Variants in FASTKD2 observed in about 807,000 individuals in gnomAD.
The protein encoded by FASTKD2 is FAST kinase domains 2, also known as FAST kinase domain-containing protein 2, mitochondrial.
Under a neutral mutation model 63.6 loss-of-function variants are expected in FASTKD2, and 51 were observed. The ratio of observed to expected loss-of-function variants is 0.80; its 90% confidence interval spans 0.64 to 1.01. The LOEUF (loss-of-function observed/expected upper bound fraction) is 1.01. Ranked by LOEUF, FASTKD2 falls within the 50% of genes least tolerant of loss-of-function variation. The pLI is 0.00. For missense variants in FASTKD2, 786 were observed against 831.1 expected, an observed-to-expected ratio of 0.95 and a Z score of 0.67; for synonymous variants, 284 against 293.4, an observed-to-expected ratio of 0.97 and a Z score of 0.33.
intron 4 of FASTKD2, 42 bp downstream of exon 4, chr2:206,771,332 A>G (rs779446873): frequency 2.7e-5 from 33 of 1,207,318 alleles, no homozygotes; most frequent in Non-Finnish European, 3.9e-5. Flanking sequence ...ATTTGAAAAA[A>G]TCTTTCTTAT....
chr2:206,779,345 G>T (rs1230662159), intron 7 of FASTKD2, among the ~76,000 whole-genome samples: 1 of 151,886 alleles, frequency 6.6e-6, no homozygotes, highest in African/African-American at 2.4e-5. Flanking sequence ...CAGCCATTTT[G>T]TGTCTTTTAA....
chr2:206,779,402 C>CTGTG, intron 7 of FASTKD2, among the ~76,000 whole-genome samples: 1 of 152,132 alleles, frequency 6.6e-6, no homozygotes, highest in Middle Eastern at 3.4e-3. Context: ...CTACCTAAGA[C>CTGTG]TGTGTAATTT....
chr2:206,767,449 G>A lies in FASTKD2; in HGVS notation c.756G>A (p.Gln252=), dbSNP rs377619612. 243 of 1,611,436 alleles carry A rather than the reference G, an allele frequency of 1.5e-4. No homozygotes were observed. The African/African-American group carries it at 2.8e-3, about 19-fold the overall frequency. ...TCCCTCAGAACACTATTTTGGTGCAGACTTTGCTGAGGGTGACCCAGGTAA... is the reference window on the plus strand; with the variant it reads ...TCCCTCAGAACACTATTTTGGTGCAAACTTTGCTGAGGGTGACCCAGGTAA... The part of the protein sequence containing the change: ...LGIPQNTILV[Q]TLLRVTQERI... Residue 252 remains glutamine (Q), a synonymous_variant, in exon 2 of 12, where the codon CAG becomes CAA. Transcript: ENST00000402774.
intron 7 of FASTKD2, among the ~76,000 whole-genome samples, chr2:206,786,148 T>A (rs1450302281): frequency 6.6e-6 from 1 of 152,234 alleles, no homozygotes; most frequent in South Asian, 2.1e-4. Flanking sequence ...TTATTAGTGG[T>A]GTCACTCTGG....
Position 206,770,093 on chromosome 2 carries a change from A to G in FASTKD2, c.780A>G (p.Glu260=), listed in dbSNP as rs1689628245. The change falls in exon 3 of 12, where the codon GAA becomes GAG. Residue 260 remains glutamate, a splice_region_variant and synonymous_variant. Coordinates refer to ENST00000402774, the MANE Select transcript of FASTKD2 (RefSeq NM_001136193.2). ...TTTTTGTAATTATATTTCAATAGGAACGTATCAATGAGTGTGATGAGATAT... is the reference window on the plus strand; with the variant it reads ...TTTTTGTAATTATATTTCAATAGGAGCGTATCAATGAGTGTGATGAGATAT... The part of the protein sequence containing the change: ...LVQTLLRVTQ[E]RINECDEICL... 2 of 1,586,744 alleles carry G rather than the reference A, an allele frequency of 1.3e-6. No individual in the cohort carries two copies. Among genetic ancestry groups the G allele is most frequent in the Non-Finnish European group, 1.7e-6 (2 of 1,155,128 alleles).
intron 5 of FASTKD2, 50 bp downstream of exon 5, chr2:206,772,067 A>G (rs765367692): frequency 6.2e-7 from 1 of 1,608,290 alleles, no homozygotes; most frequent in Non-Finnish European, 8.5e-7. Context: ...CTTCTGTTTT[A>G]GACTATTTTT....
At position 206,774,366 on chromosome 2, in the gene FASTKD2, C is replaced by G. The variant is rs749052218; in HGVS notation, c.1396C>G (p.Leu466Val). 2 of 1,603,588 alleles carry G rather than the reference C, an allele frequency of 1.2e-6. No individual in the cohort carries two copies. The highest frequency in any genetic ancestry group is 2.2e-5 in the South Asian group (2 of 90,342). Residue 466 changes from leucine to valine, a missense_variant, in exon 7 of 12, where the codon CTC becomes GTC. Leu to Val is a conservative substitution (Grantham distance 32, BLOSUM62 1). Coordinates refer to ENST00000402774, the MANE Select transcript of FASTKD2 (RefSeq NM_001136193.2). ...ATCTATTCTTCATACTTACTCTTCT[C>G]TCAATCATGTCTACAAATGCCAGAA... Reference protein sequence around the residue: ...ILSILHTYSSLNHVYKCQNKE... With the variant: ...ILSILHTYSSVNHVYKCQNKE...
intron 4 of FASTKD2, 52 bp downstream of exon 4, chr2:206,771,342 T>C (rs748512485): frequency 1.5e-5 from 16 of 1,083,750 alleles, no homozygotes; most frequent in Non-Finnish European, 1.9e-5. Context: ...ATCTTTCTTA[T>C]AACCTGCTAT....
rs754263941 is a variant in FASTKD2, at chr2:206,767,399, C to T, written c.706C>T (p.Leu236Phe). Residue 236 changes from leucine (L) to phenylalanine (F), a missense_variant, in exon 2 of 12, where the codon CTT (leucine) becomes TTT (phenylalanine). Transcript: ENST00000402774. ...GCAGTATAAGTACCTACTGTTCAGT[C>T]TTCACGCCATAGTGAAGCTTGGAAT... ...IMQYKYLLFS[L>F]HAIVKLGIPQ... 36 of 1,613,660 alleles carry T rather than the reference C, an allele frequency of 2.2e-5. No homozygotes were observed. Among genetic ancestry groups the T allele is most frequent in the Admixed American group, 3.3e-5 (2 of 60,000 alleles).
chr2:206,786,839 C>G lies in FASTKD2; in HGVS notation c.1534C>G (p.Pro512Ala), dbSNP rs771715271. 1 of 1,613,632 alleles carries G rather than the reference C, an allele frequency of 6.2e-7. No individual in the cohort carries two copies. The highest frequency in any genetic ancestry group is 1.7e-5 in the Admixed American group (1 of 60,018). The change falls in exon 8 of 12, where the codon CCC becomes GCC. Residue 512 changes from proline (P) to alanine (A), a missense_variant. Coordinates refer to ENST00000402774, the MANE Select transcript of FASTKD2 (RefSeq NM_001136193.2). ...TTCATTTTGCTTGATGAATTACTTT[C>G]CCCTGGCTCCTTTTAATCAGCTTCT... ...VYSFCLMNYF[P>A]LAPFNQLLQK...
chr2:206,786,330 G>A (rs370823197), intron 7 of FASTKD2, among the ~76,000 whole-genome samples: 16 of 152,256 alleles, frequency 1.1e-4, no homozygotes, highest in African/African-American at 2.9e-4. Flanking sequence ...TGGTCCAGGC[G>A]TTATAGAAAA....
In FASTKD2 at chr2:206,766,937, TTCA is replaced by T; in HGVS notation, c.246_248del (p.Ile83del). On this transcript the variant is annotated inframe_deletion, in exon 2 of 12. Transcript: ENST00000402774. Reference sequence around the variant, plus strand: ...CATTAGATATCTCTTTCAGGATGCATTCATTTTTAAATCAGATGTTGGCTTTCA... The same window carrying T: ...CATTAGATATCTCTTTCAGGATGCATTTTTTAAATCAGATGTTGGCTTTCA... The T allele has an allele frequency of 6.2e-7, 1 of 1,604,016 alleles. No homozygotes were observed. The highest frequency in any genetic ancestry group is 8.5e-7 in the Non-Finnish European group (1 of 1,173,618).
rs1332754113 is a variant in FASTKD2 at position 206,795,126 on chromosome 2, G to A, written c.*3324G>A. ...CATACTCTTCATTCACAGGGCCTGA[G>A]AGGTGGACCATCAGACTCCACCCTG... On this transcript the variant is annotated 3_prime_UTR_variant, in exon 12 of 12. Coordinates refer to ENST00000402774, the MANE Select transcript of FASTKD2 (RefSeq NM_001136193.2). 1.3e-5 allele frequency among the ~76,000 whole-genome samples: 2 copies of A among 152,236 alleles called. No individual in the cohort carries two copies. The highest frequency in any genetic ancestry group is 2.9e-5 in the Non-Finnish European group (2 of 68,036).
chr2:206,768,337 G>A (rs1689580654), intron 2 of FASTKD2, among the ~76,000 whole-genome samples: 2 of 152,170 alleles, frequency 1.3e-5, no homozygotes, highest in South Asian at 4.1e-4. Context: ...TGTAAGGAAG[G>A]AAGGATTAGC....
At chr2:206,787,389 G>C (rs749572553) in intron 8 of FASTKD2, among the ~76,000 whole-genome samples, 8 of 152,142 alleles carry the variant, frequency 5.3e-5, no homozygotes, top group Non-Finnish European at 1.2e-4. Context: ...ATTAACTGTT[G>C]ACTTTTAGTC....
chr2:206,794,188 G>GTTC lies in FASTKD2; in HGVS notation c.*2387_*2389dup, dbSNP rs1339915988. Among the ~76,000 whole-genome samples the GTTC allele has an allele frequency of 6.6e-6, 1 of 151,914 alleles. No homozygotes were observed. Among genetic ancestry groups the GTTC allele is most frequent in the Non-Finnish European group, 1.5e-5 (1 of 68,008 alleles). On this transcript the variant is annotated 3_prime_UTR_variant, in exon 12 of 12. Coordinates refer to ENST00000402774, the MANE Select transcript of FASTKD2 (RefSeq NM_001136193.2). ...TGAATATATCTATCACCTCTAAAAG[G>GTTC]TTCCTGTCTTTGCTTTTTTCTCTGT...
At chr2:206,791,497 A>G (rs1201140857) in intron 11 of FASTKD2, 186 bp from the exon 12 acceptor site, 2 of 593,086 alleles carry the variant, frequency 3.4e-6, no homozygotes, top group Non-Finnish European at 5.9e-6. Flanking sequence ...TAATTTTCAC[A>G]GTTAAAGCTT....
Position 206,792,015 on chromosome 2 carries a change from A to T in FASTKD2, c.*213A>T, listed in dbSNP as rs992484065. ...CCAGAAGGGTTATTTTTCCAACCAC[A>T]CCTATTCCCTCTAGTGCCCAGATAT... On this transcript the variant is annotated 3_prime_UTR_variant, in exon 12 of 12. Coordinates refer to ENST00000402774, the MANE Select transcript of FASTKD2 (RefSeq NM_001136193.2). 3.6e-6 allele frequency: 2 copies of T among 556,530 alleles called. No homozygotes were observed. The highest frequency in any genetic ancestry group is 1.9e-5 in the African/African-American group (1 of 52,884). 34.5% of individuals were successfully genotyped at this position (556,530 alleles called of 1,614,324 possible).
chr2:206,791,861 A>G lies in FASTKD2; in HGVS notation c.*59A>G. On this transcript the variant is annotated 3_prime_UTR_variant, in exon 12 of 12. Transcript: ENST00000402774. ...GCATTTGTAAAAATTAATAAAGATG[A>G]CAAGTCAGTTGTCAATGGAATTGAG... 1 of 1,515,520 alleles carries G rather than the reference A, an allele frequency of 6.6e-7. No homozygotes were observed. 93.9% of individuals were successfully genotyped at this position (1,515,520 alleles called of 1,614,324 possible). A position where few individuals can be genotyped will look rare whatever the true frequency, so the allele number is the denominator to read the frequency against.
Sources: gnomAD v4.1 joint callset for allele counts (sites outside exome capture counted in the v4.1 genomes callset) on GRCh38, gnomAD v4.1.1 for gene constraint, MANE v1.5 for transcripts, NCBI Gene and HGNC (gene_info 2026-07-23, HGNC 2026-07-21) for gene names.